Variants in MMP20 observed in about 807,000 individuals in gnomAD.
The protein encoded by MMP20 is matrix metalloproteinase-20.
MMP20 carries 50 observed loss-of-function variants against 51.8 expected under a neutral mutation model. The ratio of observed to expected loss-of-function variants is 0.97; its 90% CI spans 0.77 to 1.22. MMP20 has a LOEUF of 1.22. Ranked by LOEUF, MMP20 falls within the 50% of genes most tolerant of loss-of-function variation. The pLI is 0.00. For synonymous variants in MMP20, 244 were observed against 216.2 expected (o/e 1.13, Z -1.13); for missense variants, 663 against 601.4 (o/e 1.10, Z -1.07).
chr11:102,612,027 A>C (rs942251718), intron 2 of MMP20, 124 bp from the exon 3 acceptor site: 8 of 942,490 alleles, frequency 8.5e-6, no homozygotes, highest in Non-Finnish European at 1.3e-5. Context: ...TGAAATAATA[A>C]TTCTTATTTT....
At chr11:102,624,684 T>A (rs1304593780) in intron 1 of MMP20, among the ~76,000 whole-genome samples, 1 of 152,146 alleles carries the variant, frequency 6.6e-6, no homozygotes, top group Non-Finnish European at 1.5e-5. Context: ...AAATGAGAAG[T>A]GGGTTGGCAC....
intron 4 of MMP20, among the ~76,000 whole-genome samples, chr11:102,609,344 A>T (rs573907621): frequency 1.3e-5 from 2 of 152,300 alleles, no homozygotes; most frequent in South Asian, 4.1e-4. Context: ...TTTATTCATC[A>T]TCAGTGATGT....
chr11:102,606,227 T>C (rs1859513392), intron 6 of MMP20, among the ~76,000 whole-genome samples: 2 of 152,246 alleles, frequency 1.3e-5, no homozygotes, highest in Non-Finnish European at 2.9e-5. Flanking sequence ...TTGCTTGCTG[T>C]CTTTGAGCTG....
At position 102,594,665 on chromosome 11, in the gene MMP20, G is replaced by GC; in HGVS notation, c.1045dup (p.Ala349GlyfsTer7). ...GCCCCTCTCAGCCACTTCGTAAGCT[G>GC]CATCCACATTGGACATGAGCTGGGG... On this transcript the variant is annotated frameshift_variant, in exon 7 of 10. Coordinates refer to ENST00000260228, the MANE Select transcript of MMP20 (RefSeq NM_004771.4). LOFTEE classifies it high-confidence loss of function. 6.2e-7 allele frequency: 1 copy of GC among 1,613,248 alleles called. No homozygotes were observed. The highest frequency in any genetic ancestry group is 8.5e-7 in the Non-Finnish European group (1 of 1,179,904).
intron 3 of MMP20, 56 bp from the exon 4 acceptor site, chr11:102,610,086 G>T (rs1013692517): frequency 1.3e-6 from 2 of 1,598,616 alleles, no homozygotes; most frequent in Middle Eastern, 1.7e-4. Context: ...AATTCTGAGG[G>T]GCGCATCATA....
chr11:102,579,202 A>G lies in MMP20; in HGVS notation c.1248-60T>C, dbSNP rs188795699. 1.0e-4 allele frequency: 123 copies of G among 1,171,668 alleles called. No individual in the cohort carries two copies. The East Asian group carries it at 1.7e-3, about 16-fold the overall frequency. The allele number at this position is 1,171,668 out of a possible 1,614,324, so 72.6% of individuals were successfully genotyped here. A position where few individuals can be genotyped will look rare whatever the true frequency, so the allele number is the denominator to read the frequency against. On this transcript the variant is annotated intron_variant, in intron 8 of 9. Transcript: ENST00000260228. ...AAGAGGTTTTTACTGGTTGTAGATG[A>G]CACTATACTGGTCAGGCATATGGAC... is the stretch of plus-strand genomic sequence containing the variant.
chr11:102,589,612 A>G (rs1457260512), intron 8 of MMP20, among the ~76,000 whole-genome samples: 2 of 152,178 alleles, frequency 1.3e-5, no homozygotes, highest in Non-Finnish European at 2.9e-5. Flanking sequence ...ACAGACAGAA[A>G]GGTGATCCAA....
chr11:102,611,805 A>G lies in MMP20; in HGVS notation c.473T>C (p.Val158Ala), dbSNP rs1859603797. 6.2e-7 allele frequency: 1 copy of G among 1,614,254 alleles called. No homozygotes were observed. Among genetic ancestry groups the G allele is most frequent in the Non-Finnish European group, 8.5e-7 (1 of 1,180,040 alleles). ...AWSSAVPLSFVRINSGEADIM... is the reference protein window; with the variant it reads ...AWSSAVPLSFARINSGEADIM... ...ATCCGCTTCTCCTGAGTTTATTCTG[A>G]CAAAGCTCAGAGGGACGGCGCTACT... Residue 158 changes from valine to alanine, a missense_variant, in exon 3 of 10, where the codon GTC becomes GCC. Val to Ala is a moderately conservative substitution (Grantham distance 64). Coordinates refer to ENST00000260228, the MANE Select transcript of MMP20 (RefSeq NM_004771.4).
At chr11:102,598,037 G>C (rs940035652) in intron 6 of MMP20, among the ~76,000 whole-genome samples, 2 of 109,010 alleles carry the variant, frequency 1.8e-5, no homozygotes, top group Non-Finnish European at 4.4e-5. Flanking sequence ...AAAGTGCTGA[G>C]ATTACAGGCG....
intron 8 of MMP20, among the ~76,000 whole-genome samples, chr11:102,586,454 A>G (rs1859255201): frequency 6.6e-6 from 1 of 151,970 alleles, no homozygotes; most frequent in Non-Finnish European, 1.5e-5. Context: ...TTCCTTTATG[A>G]CCTTTTTTAT....
chr11:102,619,216 A>G lies in MMP20; in HGVS notation c.127-2157T>C, dbSNP rs138055797. Among the ~76,000 whole-genome samples, 25 of 152,084 alleles carry G rather than the reference A, an allele frequency of 1.6e-4. No homozygotes were observed. In the East Asian group the frequency reaches 3.9e-3, roughly 24 times the overall value. On this transcript the variant is annotated intron_variant, in intron 1 of 9. Transcript: ENST00000260228. ...GCTGTGATAATGCAATGCTTGTGGTAATGTCTGAATTATACTCCTCAGGGT... is the reference window on the plus strand; with the variant it reads ...GCTGTGATAATGCAATGCTTGTGGTGATGTCTGAATTATACTCCTCAGGGT...
intron 6 of MMP20, chr11:102,605,118 G>C: frequency 6.6e-6 from 1 of 152,226 alleles, no homozygotes; most frequent in East Asian, 1.9e-4. Context: ...GATGGGACTA[G>C]TGCACTTATA....
chr11:102,579,897 C>G (rs1433221713), intron 8 of MMP20, among the ~76,000 whole-genome samples: 3 of 152,290 alleles, frequency 2.0e-5, no homozygotes, highest in South Asian at 2.1e-4. Flanking sequence ...CTTGGTTCAT[C>G]AAATCATTGA....
intron 3 of MMP20, among the ~76,000 whole-genome samples, 188 bp downstream of exon 3, chr11:102,611,567 G>A (rs1859599962): frequency 6.6e-6 from 1 of 152,218 alleles, no homozygotes; most frequent in Non-Finnish European, 1.5e-5. Context: ...GACAAGACAT[G>A]CTAAGAACTC....
At position 102,624,401 on chromosome 11, in the gene MMP20, C is replaced by CATAT. The variant is rs58212685; in HGVS notation, c.126+789_126+792dup. ...TTTAAAAACAAAACACGCTTGGAAGCATATATATATATATATATATATATA... is the reference window on the plus strand; with the variant it reads ...TTTAAAAACAAAACACGCTTGGAAGCATATATATATATATATATATATATATATA... On this transcript the variant is annotated intron_variant, in intron 1 of 9. Transcript: ENST00000260228. Among the ~76,000 whole-genome samples, 330 of 139,900 alleles carry CATAT rather than the reference C, an allele frequency of 2.4e-3. 1 individual carries two copies. The highest frequency in any genetic ancestry group is 3.0e-3 in the African/African-American group (107 of 36,122). 91.8% of individuals were successfully genotyped at this position (139,900 alleles called of 152,430 possible).
At chr11:102,596,759 T>C (rs546949716) in intron 6 of MMP20, among the ~76,000 whole-genome samples, 1 of 152,366 alleles carries the variant, frequency 6.6e-6, no homozygotes, top group Admixed American at 6.5e-5. Context: ...TCTCACCTAC[T>C]TGCTCATGCT....
At chr11:102,624,139 T>C (rs1165196278) in intron 1 of MMP20, among the ~76,000 whole-genome samples, 1 of 152,192 alleles carries the variant, frequency 6.6e-6, no homozygotes, top group East Asian at 1.9e-4. Flanking sequence ...GACATGCCAT[T>C]GCACATGGGT....
At position 102,586,658 on chromosome 11, in the gene MMP20, C is replaced by CA. The variant is rs950567551; in HGVS notation, c.1247+6780dup. ...GAAACCCCATCTCTACTAAAAAATA[C>CA]AAAAAAAAATTAGCTGGGCATGGTG... On this transcript the variant is annotated intron_variant, in intron 8 of 9. Transcript: ENST00000260228. Among the ~76,000 whole-genome samples, 459 of 150,554 alleles carry CA rather than the reference C, an allele frequency of 3.0e-3. 7 individuals are homozygous for CA. Among genetic ancestry groups the CA allele is most frequent in the African/African-American group, 0.01 (428 of 41,060 alleles).
intron 8 of MMP20, among the ~76,000 whole-genome samples, chr11:102,580,989 G>C (rs755481335): frequency 5.9e-5 from 9 of 152,174 alleles, no homozygotes; most frequent in Non-Finnish European, 1.2e-4. Context: ...AAGGATTTCT[G>C]TTATAGTCCA....
Sources: gnomAD v4.1 joint callset for allele counts (sites outside exome capture counted in the v4.1 genomes callset) on GRCh38, gnomAD v4.1.1 for gene constraint, MANE v1.5 for transcripts, NCBI Gene and HGNC (gene_info 2026-07-23, HGNC 2026-07-21) for gene names.